The following SLC24A2 variants were observed in gnomAD, a reference collection of about 807,000 sequenced individuals.
SLC24A2 encodes solute carrier family 24 member 2, also known as sodium/potassium/calcium exchanger 2.
In SLC24A2, 36 loss-of-function variants were observed where a neutral mutation model predicts 62.0. That is an observed-to-expected ratio of 0.58 (90% CI 0.44 to 0.77). The LOEUF is 0.77. Among genes scored for constraint, SLC24A2 ranks in the 30% least tolerant of loss-of-function variants. The pLI, the probability that SLC24A2 is intolerant of heterozygous loss-of-function variation, is 0.00. For missense variants in SLC24A2, 846 were observed against 817.9 expected (o/e 1.03, Z -0.42); for synonymous variants, 358 against 294.0 (o/e 1.22, Z -2.23).
At chr9:20,174,445 A>C in the SLC24A2 span, among the ~76,000 whole-genome samples, 1 of 152,080 alleles carries the variant, frequency 6.6e-6, no homozygotes, top group Non-Finnish European at 1.5e-5. Flanking sequence ...AAAACTTCAC[A>C]ATCTATACAT....
the SLC24A2 span, among the ~76,000 whole-genome samples, chr9:20,190,505 A>G: frequency 6.6e-6 from 1 of 152,228 alleles, no homozygotes; most frequent in African/African-American, 2.4e-5. Flanking sequence ...AGCATCTAAT[A>G]TACATCATAT....
chr9:19,605,248 A>G (rs1415121897), intron 4 of SLC24A2, among the ~76,000 whole-genome samples: 1 of 152,200 alleles, frequency 6.6e-6, no homozygotes. Flanking sequence ...AATAGAGAGA[A>G]TAAATGCTTC....
At chr9:19,814,705 A>C in the SLC24A2 span, among the ~76,000 whole-genome samples, 3 of 152,162 alleles carry the variant, frequency 2.0e-5, no homozygotes, top group African/African-American at 7.2e-5. Flanking sequence ...TTCTTGACCT[A>C]CTAGAACTTG....
chr9:20,256,945 C>T, the SLC24A2 span, among the ~76,000 whole-genome samples: 1 of 151,846 alleles, frequency 6.6e-6, no homozygotes, highest in Admixed American at 6.6e-5. Context: ...CACACACACA[C>T]ACACTTGCCT....
chr9:19,605,089 T>C (rs1836946853), intron 4 of SLC24A2, among the ~76,000 whole-genome samples: 1 of 152,160 alleles, frequency 6.6e-6, no homozygotes. Context: ...CTTTCCCAAA[T>C]AGTTATGCAT....
chr9:19,907,458 T>C, the SLC24A2 span, among the ~76,000 whole-genome samples: 1 of 152,154 alleles, frequency 6.6e-6, no homozygotes, highest in Non-Finnish European at 1.5e-5. Context: ...TTCAACATAG[T>C]GTTGGAAGTT....
At chr9:20,251,022 C>T in the SLC24A2 span, among the ~76,000 whole-genome samples, 6 of 152,202 alleles carry the variant, frequency 3.9e-5, no homozygotes, top group South Asian at 2.1e-4. Flanking sequence ...CTCCAGTGTT[C>T]GCTTCCTCCA....
the SLC24A2 span, among the ~76,000 whole-genome samples, chr9:20,126,453 C>G: frequency 5.3e-5 from 8 of 152,192 alleles, no homozygotes; most frequent in South Asian, 1.7e-3. Context: ...CCACGGCAAT[C>G]AATCAGCAAG....
At chr9:19,979,449 C>T in the SLC24A2 span, among the ~76,000 whole-genome samples, 2 of 152,164 alleles carry the variant, frequency 1.3e-5, no homozygotes, top group Non-Finnish European at 2.9e-5. Context: ...TATGGGTGCA[C>T]AAAGTCATTT....
chr9:20,304,455 A>T, the SLC24A2 span, among the ~76,000 whole-genome samples: 2 of 152,206 alleles, frequency 1.3e-5, no homozygotes, highest in Non-Finnish European at 2.9e-5. Context: ...AGAGATAGAG[A>T]TAATTTTCTG....
intron 2 of SLC24A2, among the ~76,000 whole-genome samples, chr9:19,641,539 G>A (rs970802429): frequency 6.8e-6 from 1 of 146,810 alleles, no homozygotes; most frequent in East Asian, 2.0e-4. Context: ...TTTTGAGATG[G>A]AGTCTCACTC....
chr9:19,750,546 T>A (rs1821952912), intron 2 of SLC24A2, among the ~76,000 whole-genome samples: 1 of 152,120 alleles, frequency 6.6e-6, no homozygotes, highest in Admixed American at 6.5e-5. Flanking sequence ...GTCTCTGATC[T>A]CAACAACAGC....
At chr9:20,115,924 C>T in the SLC24A2 span, among the ~76,000 whole-genome samples, 15 of 152,060 alleles carry the variant, frequency 9.9e-5, no homozygotes, top group African/African-American at 3.6e-4. Context: ...TGGCAAAATC[C>T]CAAGGCAAGA....
At chr9:20,044,017 T>C in the SLC24A2 span, among the ~76,000 whole-genome samples, 1 of 152,106 alleles carries the variant, frequency 6.6e-6, no homozygotes, top group Non-Finnish European at 1.5e-5. Context: ...ATCCCAACCA[T>C]CAGCAACCAC....
At chr9:19,909,800 A>C in the SLC24A2 span, among the ~76,000 whole-genome samples, 1 of 152,032 alleles carries the variant, frequency 6.6e-6, no homozygotes, top group Non-Finnish European at 1.5e-5. Context: ...CTTTCAGCTC[A>C]AAAAAACGGT....
At chr9:19,906,554 A>G in the SLC24A2 span, among the ~76,000 whole-genome samples, 1 of 152,128 alleles carries the variant, frequency 6.6e-6, no homozygotes, top group African/African-American at 2.4e-5. Context: ...TTTTTTGAAA[A>G]GATCAACAAA....
the SLC24A2 span, among the ~76,000 whole-genome samples, chr9:20,034,703 C>T: frequency 1.3e-5 from 2 of 152,158 alleles, no homozygotes; most frequent in South Asian, 2.1e-4. Flanking sequence ...CTCCTGAACT[C>T]GTGATCCGCC....
rs562599155 is a variant in SLC24A2, at chr9:19,761,104, C to T, written c.930+24833G>A. On this transcript the variant is annotated intron_variant, in intron 2 of 10. Transcript: ENST00000341998. ...TTAAAAAAATGTTTGCTATTGTGAA[C>T]AGTGCTGCAGTAAACATGTGTGCAT... Among the ~76,000 whole-genome samples the T allele has an allele frequency of 1.1e-3, 160 of 152,120 alleles. 1 individual carries two copies. The highest frequency in any genetic ancestry group is 3.5e-3 in the African/African-American group (144 of 41,540).
chr9:19,584,394 T>C (rs747983974), intron 5 of SLC24A2, among the ~76,000 whole-genome samples: 2 of 152,158 alleles, frequency 1.3e-5, no homozygotes, highest in Non-Finnish European at 2.9e-5. Flanking sequence ...GGTTCCCTTG[T>C]AGAGTCCATA....
Sources: allele counts gnomAD v4.1 joint callset (sites outside exome capture counted in the v4.1 genomes callset), GRCh38; gene constraint gnomAD v4.1.1; transcripts MANE v1.5; gene names NCBI Gene and HGNC (gene_info 2026-07-23, HGNC 2026-07-21).